ANKS6: variants seen among roughly 807,000 people sequenced by gnomAD.
ANKS6 encodes the protein ankyrin repeat and sterile alpha motif domain containing 6.
In ANKS6, 47 loss-of-function variants were observed where a neutral mutation model predicts 77.9. The observed-to-expected ratio is 0.60, with a 90% CI of 0.48 to 0.77. The LOEUF is 0.77. Among genes scored for constraint, ANKS6 ranks in the 30% least tolerant of loss-of-function variants. The probability of loss-of-function intolerance (pLI) is 0.00; values close to 1 mark genes in which losing one functional copy is unlikely to be tolerated. For missense variants in ANKS6, 1,150 were observed against 1,159.1 expected (o/e 0.99, Z 0.11); for synonymous variants, 488 against 501.7 (o/e 0.97, Z 0.37).
intron 3 of ANKS6, 189 bp from the exon 4 acceptor site, chr9:98,784,346 CAG>C: frequency 2.0e-6 from 1 of 499,672 alleles, no homozygotes; most frequent in African/African-American, 2.0e-5. Context: ...CTAGGCGAGA[CAG>C]AGACAAACAC....
chr9:98,776,834 GA>G, intron 8 of ANKS6, among the ~76,000 whole-genome samples: 1 of 152,196 alleles, frequency 6.6e-6, no homozygotes, highest in Non-Finnish European at 1.5e-5. Flanking sequence ...GGTGACCTGA[GA>G]AACAGAAACT....
chr9:98,767,810 G>C (rs1833383744), intron 11 of ANKS6, among the ~76,000 whole-genome samples: 1 of 152,216 alleles, frequency 6.6e-6, no homozygotes, highest in African/African-American at 2.4e-5. Context: ...GTGTGAGGCT[G>C]GGTGACCTGT....
chr9:98,771,445 C>G (rs548469475), intron 9 of ANKS6, among the ~76,000 whole-genome samples: 5 of 152,180 alleles, frequency 3.3e-5, no homozygotes, highest in Admixed American at 6.5e-5. Context: ...AGCCTGCTTC[C>G]GTGATGCTGC....
In ANKS6 at chr9:98,735,752, C is replaced by T; in HGVS notation, c.*767G>A. 1 of 1,231,764 alleles carries T rather than the reference C, an allele frequency of 8.1e-7. No homozygotes were observed. Among genetic ancestry groups the T allele is most frequent in the South Asian group, 4.1e-5 (1 of 24,324 alleles). 76.3% of individuals were successfully genotyped at this position (1,231,764 alleles called of 1,614,324 possible). The stretch of plus-strand genomic sequence containing the variant: ...GGATCCACACAGCAGGCCTCCACTT[C>T]TTTCCTTCTATAATAGACTCTCTTT... On this transcript the variant is annotated 3_prime_UTR_variant, in exon 15 of 15. Coordinates refer to ENST00000353234, the MANE Select transcript of ANKS6 (RefSeq NM_173551.5).
chr9:98,789,919 G>A lies in ANKS6; in HGVS notation c.862+185C>T, dbSNP rs1375873383. 9 of 837,366 alleles carry A rather than the reference G, an allele frequency of 1.1e-5. No homozygotes were observed. In the East Asian group the frequency reaches 2.2e-4, roughly 21 times the overall value. The allele number at this position is 837,366 out of a possible 1,614,324, so 51.9% of individuals were successfully genotyped here. A position where few individuals can be genotyped will look rare whatever the true frequency, so the allele number is the denominator to read the frequency against. On this transcript the variant is annotated intron_variant, in intron 2 of 14. Transcript: ENST00000353234. ...CTACCAAATCACTCTGCAGAGAGTG[G>A]GCCCAGAACCTGCATGTCACAGGCA...
intron 1 of ANKS6, 149 bp from the exon 2 acceptor site, chr9:98,790,755 GGAT>G: frequency 9.0e-7 from 1 of 1,108,992 alleles, no homozygotes; most frequent in Non-Finnish European, 1.3e-6. Context: ...CCAGCCACAT[GGAT>G]GCAGATGCAT....
At chr9:98,778,778 T>C (rs867121945) in intron 6 of ANKS6, among the ~76,000 whole-genome samples, 1 of 152,144 alleles carries the variant, frequency 6.6e-6, no homozygotes, top group African/African-American at 2.4e-5. Context: ...CAGGGACAGA[T>C]GGACACAGAG....
At chr9:98,755,383 G>A (rs1178461429) in intron 12 of ANKS6, among the ~76,000 whole-genome samples, 1 of 152,080 alleles carries the variant, frequency 6.6e-6, no homozygotes, top group East Asian at 1.9e-4. Flanking sequence ...CCCCATCCCA[G>A]CTCCTACAGG....
rs10987577 is a variant in ANKS6 at position 98,741,037 on chromosome 9, C to T, written c.2512-4414G>A. Among the ~76,000 whole-genome samples the T allele has an allele frequency of 3.1e-4, 47 of 152,312 alleles. 1 individual carries two copies. In the East Asian group the frequency reaches 8.3e-3, roughly 27 times the overall value. ...ATGTACATATACCTTGATTCTGACTCTTTGACTCAGTAATTCCACTTTCAG... is the reference window on the plus strand; with the variant it reads ...ATGTACATATACCTTGATTCTGACTTTTTGACTCAGTAATTCCACTTTCAG... On this transcript the variant is annotated intron_variant, in intron 14 of 14. Transcript: ENST00000353234.
chr9:98,780,159 C>CA (rs778087929), intron 6 of ANKS6, 30 bp downstream of exon 6: 20 of 1,611,532 alleles, frequency 1.2e-5, no homozygotes, highest in Non-Finnish European at 1.6e-5. Flanking sequence ...CCCTAGCCCC[C>CA]AAGCCCCTTT....
intron 1 of ANKS6, among the ~76,000 whole-genome samples, chr9:98,793,569 G>A (rs957161671): frequency 6.6e-6 from 1 of 152,038 alleles, no homozygotes; most frequent in Non-Finnish European, 1.5e-5. Context: ...TCGCCAGGCT[G>A]GAGTGCAGTG....
At chr9:98,779,034 G>A (rs1383106219) in intron 6 of ANKS6, among the ~76,000 whole-genome samples, 1 of 152,204 alleles carries the variant, frequency 6.6e-6, no homozygotes, top group Non-Finnish European at 1.5e-5. Context: ...GTAAGAGCAG[G>A]AATGAAGGGA....
chr9:98,754,700 C>G (rs1315857978), intron 12 of ANKS6, among the ~76,000 whole-genome samples: 2 of 151,768 alleles, frequency 1.3e-5, no homozygotes, highest in African/African-American at 4.8e-5. Context: ...CAATCATATA[C>G]CCACAGGACA....
At chr9:98,788,105 T>C (rs907031911) in intron 2 of ANKS6, among the ~76,000 whole-genome samples, 25 of 152,196 alleles carry the variant, frequency 1.6e-4, no homozygotes, top group African/African-American at 6.0e-4. Flanking sequence ...CTTGGCCACA[T>C]CCACCAATGT....
In ANKS6 at chr9:98,766,564, G is replaced by A. The variant is rs190328825; in HGVS notation, c.2142+1517C>T. 3.3e-5 allele frequency among the ~76,000 whole-genome samples: 5 copies of A among 152,018 alleles called. No homozygotes were observed. In the South Asian group the frequency reaches 6.2e-4, roughly 19 times the overall value. On this transcript the variant is annotated intron_variant, in intron 11 of 14. Transcript: ENST00000353234. ...AGTAGAGACTTTTTTCCTCACAGCC[G>A]AATTATAAAAGGAACTTAATCATAT...
chr9:98,783,849 T>G, intron 4 of ANKS6, 104 bp downstream of exon 4: 41 of 1,035,562 alleles, frequency 4.0e-5, no homozygotes, highest in Middle Eastern at 3.7e-4. Flanking sequence ...AGTCCTGGGG[T>G]TTGTATGCAG....
intron 3 of ANKS6, among the ~76,000 whole-genome samples, chr9:98,784,628 G>C (rs1186596571): frequency 6.6e-6 from 1 of 152,164 alleles, no homozygotes; most frequent in African/African-American, 2.4e-5. Context: ...GGCTGGAGTG[G>C]GGCTGGAGGC....
At chr9:98,746,673 C>T (rs905493601) in intron 13 of ANKS6, among the ~76,000 whole-genome samples, 4 of 151,616 alleles carry the variant, frequency 2.6e-5, no homozygotes, top group South Asian at 2.1e-4. Context: ...CCAGCATCCT[C>T]GCCGTTCTCC....
chr9:98,745,773 T>C lies in ANKS6; in HGVS notation c.2395-98A>G. The C allele has an allele frequency of 1.0e-5, 9 of 888,118 alleles. No individual in the cohort carries two copies. In the South Asian group the frequency reaches 1.1e-4, roughly 11 times the overall value. 55.0% of individuals were successfully genotyped at this position (888,118 alleles called of 1,614,324 possible). A position where few individuals can be genotyped will look rare whatever the true frequency, so the allele number is the denominator to read the frequency against. The stretch of plus-strand genomic sequence containing the variant: ...ATGATTATGAGCTATGAGTGCTTAT[T>C]AGTAGTAAACTGATGATGATTTACT... On this transcript the variant is annotated intron_variant, in intron 13 of 14. Coordinates refer to ENST00000353234, the MANE Select transcript of ANKS6 (RefSeq NM_173551.5).
Sources: gnomAD v4.1 joint callset for allele counts (sites outside exome capture counted in the v4.1 genomes callset) on GRCh38, gnomAD v4.1.1 for gene constraint, MANE v1.5 for transcripts, NCBI Gene and HGNC (gene_info 2026-07-23, HGNC 2026-07-21) for gene names.